AGPAT5: variants seen among roughly 807,000 people sequenced by gnomAD.
AGPAT5 encodes 1-acyl-sn-glycerol-3-phosphate acyltransferase epsilon.
Under a neutral mutation model 45.6 loss-of-function variants are expected in AGPAT5, and 46 were observed. That is an observed-to-expected ratio of 1.01 (90% CI 0.80 to 1.29). The LOEUF (loss-of-function observed/expected upper bound fraction) is 1.29, where lower values mean the gene tolerates loss of function less well. AGPAT5 is among the 50% of genes most tolerant of loss of function. AGPAT5 has a pLI of 0.00. For synonymous variants in AGPAT5, 272 were observed against 167.0 expected (o/e 1.63, Z -4.85); for missense variants, 673 against 450.7 (o/e 1.49, Z -4.47).
intron 6 of AGPAT5, 53 bp downstream of exon 6, chr8:6,747,881 T>C: frequency 6.6e-7 from 1 of 1,511,968 alleles, no homozygotes; most frequent in Non-Finnish European, 8.9e-7. Context: ...ACAGTGCACA[T>C]GTTTATGTAG....
chr8:6,714,665 T>A (rs1283015978), intron 1 of AGPAT5, among the ~76,000 whole-genome samples: 1 of 152,218 alleles, frequency 6.6e-6, no homozygotes, highest in East Asian at 1.9e-4. Context: ...CCCAGTTTGG[T>A]GTGTAACTTT....
At chr8:6,719,358 C>T (rs1324271520) in intron 1 of AGPAT5, among the ~76,000 whole-genome samples, 1 of 152,140 alleles carries the variant, frequency 6.6e-6, no homozygotes, top group East Asian at 1.9e-4. Context: ...TCAAGTAAGC[C>T]ATTGACGTGG....
intron 5 of AGPAT5, chr8:6,745,770 T>G (rs866867577): frequency 6.6e-6 from 1 of 152,074 alleles, no homozygotes; most frequent in South Asian, 2.1e-4. Context: ...CTTTTCATCT[T>G]CTGCCCTTTA....
chr8:6,716,542 A>T (rs1800335891), intron 1 of AGPAT5, among the ~76,000 whole-genome samples: 1 of 151,956 alleles, frequency 6.6e-6, no homozygotes, highest in Non-Finnish European at 1.5e-5. Flanking sequence ...AAAAGAAAAA[A>T]AAGGTAAAAG....
At chr8:6,716,030 C>A (rs75369723) in intron 1 of AGPAT5, among the ~76,000 whole-genome samples, 4,690 of 152,240 alleles carry the variant, frequency 0.031, 95 homozygotes, top group Non-Finnish European at 0.047. Flanking sequence ...CGCCCCTCCC[C>A]ACATTAGACC....
chr8:6,757,185 T>A lies in AGPAT5; in HGVS notation c.892T>A (p.Ser298Thr), dbSNP rs1043684706. 1.9e-6 allele frequency: 3 copies of A among 1,613,642 alleles called. No homozygotes were observed. The African/African-American group carries it at 4.0e-5, about 22-fold the overall frequency. The change falls in exon 8 of 8, where the codon TCA becomes ACA. Residue 298 changes from serine (S) to threonine (T), a missense_variant. By Grantham distance (58) the Ser-to-Thr change is moderately conservative. Transcript: ENST00000285518. ...KDKMLIEFYE[S>T]PDPERRKRFP... Reference sequence around the variant, plus strand: ...TAGGATGCTTATAGAATTTTATGAGTCACCAGATCCAGAAAGAAGAAAAAG... The same window carrying A: ...TAGGATGCTTATAGAATTTTATGAGACACCAGATCCAGAAAGAAGAAAAAG...
chr8:6,723,647 GT>G (rs2116877353), intron 1 of AGPAT5, among the ~76,000 whole-genome samples: 1 of 152,294 alleles, frequency 6.6e-6, no homozygotes, highest in South Asian at 2.1e-4. Flanking sequence ...CAAGCTATTG[GT>G]ATTACTCATT....
chr8:6,719,887 G>A (rs1342094620), intron 1 of AGPAT5, among the ~76,000 whole-genome samples: 1 of 152,186 alleles, frequency 6.6e-6, no homozygotes, highest in Non-Finnish European at 1.5e-5. Context: ...GATATGATCA[G>A]AAGATGTCTG....
intron 7 of AGPAT5, among the ~76,000 whole-genome samples, chr8:6,756,035 C>T (rs536814588): frequency 1.3e-5 from 2 of 152,160 alleles, no homozygotes; most frequent in Admixed American, 1.3e-4. Flanking sequence ...ATTTAGAATA[C>T]CTCTGGACAT....
intron 4 of AGPAT5, among the ~76,000 whole-genome samples, chr8:6,738,885 T>A (rs2116920674): frequency 6.6e-6 from 1 of 152,270 alleles, no homozygotes; most frequent in Non-Finnish European, 1.5e-5. Flanking sequence ...ATTTAAGAAG[T>A]CCTTGCCAAA....
Position 6,752,666 on chromosome 8 carries a change from C to G in AGPAT5, c.746-2385C>G, listed in dbSNP as rs570413730. Among the ~76,000 whole-genome samples the G allele has an allele frequency of 7.9e-5, 12 of 152,252 alleles. No individual in the cohort carries two copies. The South Asian group carries it at 2.5e-3, about 32-fold the overall frequency. ...GTGTATCAGTATACTTTAGTGCCTACTAGAAATTTATGGGTAGAAAAACAA... is the reference window on the plus strand; with the variant it reads ...GTGTATCAGTATACTTTAGTGCCTAGTAGAAATTTATGGGTAGAAAAACAA... On this transcript the variant is annotated intron_variant, in intron 6 of 7. Coordinates refer to ENST00000285518, the MANE Select transcript of AGPAT5 (RefSeq NM_018361.5).
At chr8:6,712,375 T>C (rs1800182952) in intron 1 of AGPAT5, among the ~76,000 whole-genome samples, 1 of 72,754 alleles carries the variant, frequency 1.4e-5, no homozygotes, top group South Asian at 3.6e-4. Flanking sequence ...CTTGTGATTA[T>C]ATATATATAT....
intron 1 of AGPAT5, among the ~76,000 whole-genome samples, chr8:6,714,705 G>A (rs1178127917): frequency 6.6e-6 from 1 of 152,214 alleles, no homozygotes; most frequent in Non-Finnish European, 1.5e-5. Flanking sequence ...TTGAGTAAGT[G>A]TTTGAATTGT....
At chr8:6,727,148 T>G (rs1003575210) in intron 2 of AGPAT5, among the ~76,000 whole-genome samples, 1 of 152,192 alleles carries the variant, frequency 6.6e-6, no homozygotes, top group Non-Finnish European at 1.5e-5. Context: ...GTTGTTCTGC[T>G]TAGACTTTCT....
At chr8:6,712,593 A>T (rs1018987736) in intron 1 of AGPAT5, among the ~76,000 whole-genome samples, 8 of 152,198 alleles carry the variant, frequency 5.3e-5, no homozygotes, top group Non-Finnish European at 8.8e-5. Flanking sequence ...GTTTAAGGAA[A>T]ACTTATGGGA....
chr8:6,715,241 G>T (rs1053883353), intron 1 of AGPAT5, among the ~76,000 whole-genome samples: 5 of 152,208 alleles, frequency 3.3e-5, no homozygotes, highest in Admixed American at 6.5e-5. Context: ...TGAGAGGTAG[G>T]GGTTTGGAAA....
intron 2 of AGPAT5, among the ~76,000 whole-genome samples, chr8:6,725,417 C>G (rs1161741161): frequency 1.3e-5 from 2 of 152,170 alleles, no homozygotes; most frequent in South Asian, 2.1e-4. Context: ...ATTCTAGTTG[C>G]TACTGTTCCA....
chr8:6,741,118 T>G (rs1563298949), intron 4 of AGPAT5, among the ~76,000 whole-genome samples: 1 of 152,164 alleles, frequency 6.6e-6, no homozygotes, highest in Non-Finnish European at 1.5e-5. Flanking sequence ...AGGTTTCTTA[T>G]AAATAAAATT....
Position 6,715,198 on chromosome 8 carries a change from A to G in AGPAT5, c.219+6311A>G, listed in dbSNP as rs144211946. On this transcript the variant is annotated intron_variant, in intron 1 of 7. Transcript: ENST00000285518. ...AACAATAACAAGAAAATGAAAATTT[A>G]CTGTGCCATGCCAGGTTGTTTAGCC... 5.3e-3 allele frequency among the ~76,000 whole-genome samples: 807 copies of G among 152,312 alleles called. 2 individuals carry two copies. The highest frequency in any genetic ancestry group is 9.2e-3 in the Non-Finnish European group (626 of 68,020).
Sources: gnomAD v4.1 joint callset for allele counts (sites outside exome capture counted in the v4.1 genomes callset) on GRCh38, gnomAD v4.1.1 for gene constraint, MANE v1.5 for transcripts, NCBI Gene and HGNC (gene_info 2026-07-23, HGNC 2026-07-21) for gene names.